Variants in ENOX2 observed in about 807,000 individuals in gnomAD.
ENOX2 encodes APK1 antigen.
In ENOX2, 36 loss-of-function variants were observed where a neutral mutation model predicts 45.0. The ratio of observed to expected loss-of-function variants is 0.80; its 90% CI spans 0.61 to 1.06. The LOEUF (loss-of-function observed/expected upper bound fraction) is 1.06, where lower values mean the gene tolerates loss of function less well. Among genes scored for constraint, ENOX2 ranks in the 50% least tolerant of loss-of-function variants. The pLI, the probability that ENOX2 is intolerant of heterozygous loss-of-function variation, is 0.00. For missense variants in ENOX2, 423 were observed against 462.5 expected (o/e 0.91, Z 0.78); for synonymous variants, 174 against 152.3 (o/e 1.14, Z -1.05).
At chrX:130,766,934 T>C (rs1316216598) in intron 3 of ENOX2, among the ~76,000 whole-genome samples, 3 of 111,964 alleles carry the variant, frequency 2.7e-5, no homozygotes, top group Non-Finnish European at 5.7e-5. Context: ...ACTGGTAAGA[T>C]CACAAACTAA....
chrX:130,679,550 T>C lies in ENOX2; in HGVS notation c.452A>G (p.Tyr151Cys), dbSNP rs1366010885. 1 of 1,206,404 alleles carries C rather than the reference T, an allele frequency of 8.3e-7. No individual in the cohort carries two copies. The highest frequency in any genetic ancestry group is 1.1e-6 in the Non-Finnish European group (1 of 890,553). Residue 151 changes from tyrosine (Y) to cysteine (C), a missense_variant, in exon 6 of 15, where the codon TAT becomes TGT. This residue lies in a region of ENOX2 where 261 missense variants were observed against 306.8 expected (regional missense o/e 0.85). Coordinates refer to ENST00000394363, the MANE Select transcript of ENOX2 (RefSeq NM_006375.4). ...AEEYMVDKAL[Y>C]LSGYRIRLGS... ...CACATCTAAACACCTACCAGACAGA[T>C]ACAGGGCTTTGTCCACCATGTACTC...
intron 6 of ENOX2, among the ~76,000 whole-genome samples, chrX:130,678,413 A>C: frequency 9.1e-6 from 1 of 109,550 alleles, no homozygotes; most frequent in Middle Eastern, 4.9e-3. Flanking sequence ...CCAGAATAAA[A>C]CTCATTGTCA....
rs1019073542 is a variant in ENOX2, at chrX:130,623,153, G to T, written c.*2161C>A. 9.0e-6 allele frequency among the ~76,000 whole-genome samples: 1 copy of T among 111,394 alleles called. No individual in the cohort carries two copies. The highest frequency in any genetic ancestry group is 1.9e-5 in the Non-Finnish European group (1 of 53,176). On this transcript the variant is annotated 3_prime_UTR_variant, in exon 15 of 15. Transcript: ENST00000394363. Reference sequence around the variant, plus strand: ...TTTGACCAAGCAACTGGGCACTATAGCCTAGCCAAGTTGCCACACAAAATT... The same window carrying T: ...TTTGACCAAGCAACTGGGCACTATATCCTAGCCAAGTTGCCACACAAAATT...
At chrX:130,634,589 G>C (rs1175831262) in intron 12 of ENOX2, among the ~76,000 whole-genome samples, 8 of 111,978 alleles carry the variant, frequency 7.1e-5, no homozygotes, top group African/African-American at 1.9e-4. Flanking sequence ...CAATGTGCTA[G>C]CTGCACTTGT....
chrX:130,737,406 T>A (rs1487777613), intron 3 of ENOX2, among the ~76,000 whole-genome samples: 1 of 112,632 alleles, frequency 8.9e-6, no homozygotes, highest in East Asian at 2.8e-4. Context: ...AAGAGTATTT[T>A]CCACCTTTTC....
intron 2 of ENOX2, among the ~76,000 whole-genome samples, chrX:130,864,192 AT>A (rs2078454586): frequency 9.0e-6 from 1 of 110,865 alleles, no homozygotes; most frequent in African/African-American, 3.3e-5. Context: ...ATGGGATATC[AT>A]TTTTGAGATT....
chrX:130,840,112 T>C (rs755104414), intron 2 of ENOX2, among the ~76,000 whole-genome samples: 8 of 111,672 alleles, frequency 7.2e-5, no homozygotes, highest in African/African-American at 1.9e-4. Flanking sequence ...AGGTGAAATG[T>C]ATTTTAAATG....
intron 2 of ENOX2, among the ~76,000 whole-genome samples, chrX:130,860,369 C>G (rs1211248567): frequency 8.9e-6 from 1 of 111,967 alleles, no homozygotes; most frequent in Non-Finnish European, 1.9e-5. Flanking sequence ...GTGCTGAACA[C>G]TCCTAAATGC....
At chrX:130,700,122 G>A (rs1475585589) in intron 4 of ENOX2, among the ~76,000 whole-genome samples, 1 of 112,407 alleles carries the variant, frequency 8.9e-6, no homozygotes, top group African/African-American at 3.2e-5. Context: ...GTTAATGACA[G>A]AGATTTGAAC....
intron 2 of ENOX2, among the ~76,000 whole-genome samples, chrX:130,876,034 A>G (rs901537298): frequency 9.0e-6 from 1 of 111,713 alleles, no homozygotes; most frequent in Admixed American, 9.5e-5. Flanking sequence ...ACTTTGGAAA[A>G]CATTTTTGCC....
intron 2 of ENOX2, among the ~76,000 whole-genome samples, chrX:130,783,966 T>C (rs755114922): frequency 8.9e-6 from 1 of 111,931 alleles, no homozygotes; most frequent in African/African-American, 3.2e-5. Context: ...AACTGATAGG[T>C]CCCTCATTAA....
intron 2 of ENOX2, among the ~76,000 whole-genome samples, chrX:130,846,287 C>T: frequency 9.0e-6 from 1 of 111,295 alleles, no homozygotes; most frequent in South Asian, 3.8e-4. Context: ...AATCCACAAA[C>T]CAGAAAAGCA....
chrX:130,678,227 A>C lies in ENOX2; in HGVS notation c.460+1315T>G, dbSNP rs2037206707. 2.7e-5 allele frequency among the ~76,000 whole-genome samples: 3 copies of C among 111,248 alleles called. No homozygotes were observed. The South Asian group carries it at 1.2e-3, about 43-fold the overall frequency. On this transcript the variant is annotated intron_variant, in intron 6 of 14. Coordinates refer to ENST00000394363, the MANE Select transcript of ENOX2 (RefSeq NM_006375.4). ...AGTTCTTACTATCTCCACTCCAACC[A>C]CTGTACTATACAGGCCACCATCACT...
intron 2 of ENOX2, among the ~76,000 whole-genome samples, chrX:130,821,742 T>TAAAAAAAAAAAAA: frequency 2.5e-3 from 59 of 23,152 alleles, no homozygotes; most frequent in Non-Finnish European, 2.9e-3. Flanking sequence ...ATAAATAAAT[T>TAAAAAAAAAAAAA]AAAAAAAAAA....
chrX:130,744,629 A>T (rs1295155304), intron 3 of ENOX2, among the ~76,000 whole-genome samples: 1 of 112,264 alleles, frequency 8.9e-6, no homozygotes, highest in Non-Finnish European at 1.9e-5. Context: ...CAATGAGAAA[A>T]ATGTAGAAAA....
At chrX:130,856,786 T>C in intron 2 of ENOX2, among the ~76,000 whole-genome samples, 1 of 111,688 alleles carries the variant, frequency 9.0e-6, no homozygotes, top group Non-Finnish European at 1.9e-5. Flanking sequence ...TTGAAACTAT[T>C]TAAATCATAT....
At chrX:130,690,301 G>T (rs905941417) in intron 4 of ENOX2, among the ~76,000 whole-genome samples, 11 of 111,664 alleles carry the variant, frequency 9.9e-5, no homozygotes, top group Non-Finnish European at 1.3e-4. Context: ...TCTGGAAGGG[G>T]ACTTAGAAAT....
Position 130,711,455 on chromosome X carries a change from G to T in ENOX2, c.-38-8201C>A, listed in dbSNP as rs897259817. On this transcript the variant is annotated intron_variant, in intron 3 of 14. Coordinates refer to ENST00000394363, the MANE Select transcript of ENOX2 (RefSeq NM_006375.4). The stretch of plus-strand genomic sequence containing the variant: ...GTAATACAAGGCTCCCAGATGGCTT[G>T]AGAGAGATGATGCTATTAGACAAGC... 4.5e-5 allele frequency among the ~76,000 whole-genome samples: 5 copies of T among 110,628 alleles called. No individual in the cohort carries two copies. The East Asian group carries it at 1.1e-3, about 25-fold the overall frequency.
intron 2 of ENOX2, among the ~76,000 whole-genome samples, chrX:130,804,903 A>G (rs1440411225): frequency 9.0e-6 from 1 of 111,510 alleles, no homozygotes; most frequent in East Asian, 2.8e-4. Context: ...CCCAAAATTC[A>G]TAGGTTGAAA....
Sources: gnomAD v4.1 joint callset for allele counts (sites outside exome capture counted in the v4.1 genomes callset) on GRCh38, gnomAD v4.1.1 for gene constraint, gnomAD v4.1.1 regional missense constraint, MANE v1.5 for transcripts, NCBI Gene and HGNC (gene_info 2026-07-23, HGNC 2026-07-21) for gene names.